Variants in PPM1G observed in about 807,000 individuals in gnomAD.
The protein encoded by PPM1G is protein phosphatase, Mg2+/Mn2+ dependent 1G, also known as protein phosphatase 1G.
A neutral mutation model predicts 59.4 loss-of-function variants in PPM1G; 12 were observed. That is an observed-to-expected ratio of 0.20 (90% confidence interval 0.13 to 0.33). PPM1G has a LOEUF of 0.33. PPM1G is among the 10% of genes least tolerant of loss of function. The pLI is 1.00. For missense variants in PPM1G, 392 were observed against 681.3 expected (o/e 0.58, Z 4.73); for synonymous variants, 245 against 251.9 (o/e 0.97, Z 0.26).
intron 2 of PPM1G, chr2:27,386,552 G>T: frequency 8.2e-6 from 2 of 243,574 alleles, no homozygotes; most frequent in East Asian, 8.9e-5. Flanking sequence ...AGCTCAACTG[G>T]GTACACTTTT....
rs751024396 is a variant in PPM1G, at chr2:27,383,000, ATT to A, written c.1201+364_1201+365del. ...ACTACCATGCCCAGCTAATTTTTGTATTTTTTTTTTTTTTTAGTAGAGATGGG... is the reference window on the plus strand; with the variant it reads ...ACTACCATGCCCAGCTAATTTTTGTATTTTTTTTTTTTTAGTAGAGATGGG... On this transcript the variant is annotated intron_variant, in intron 7 of 9. Transcript: ENST00000344034. This position sits in a 1 kb window ranked among gnomAD's most constrained non-coding sequence, Gnocchi z 4.2. 8.4e-5 allele frequency among the ~76,000 whole-genome samples: 11 copies of A among 131,148 alleles called. No individual in the cohort carries two copies. Among genetic ancestry groups the A allele is most frequent in the Non-Finnish European group, 5.0e-5 (3 of 60,110 alleles). 86.0% of individuals were successfully genotyped at this position (131,148 alleles called of 152,430 possible). A position where few individuals can be genotyped will look rare whatever the true frequency, so the allele number is the denominator to read the frequency against.
At position 27,381,272 on chromosome 2, in the gene PPM1G, G is replaced by A. The variant is rs1405642037; in HGVS notation, c.*327C>T. 4.9e-6 allele frequency: 2 copies of A among 412,262 alleles called. No individual in the cohort carries two copies. Among genetic ancestry groups the A allele is most frequent in the East Asian group, 4.8e-5 (1 of 20,816 alleles). 25.5% of individuals were successfully genotyped at this position (412,262 alleles called of 1,614,324 possible). A position where few individuals can be genotyped will look rare whatever the true frequency, so the allele number is the denominator to read the frequency against. On this transcript the variant is annotated 3_prime_UTR_variant, in exon 10 of 10. Transcript: ENST00000344034. ...CAGAGAGCGGGTGCAAGCGGCCGAGGGCCATGGAGCCGCCAATAAAAAAGA... is the reference window on the plus strand; with the variant it reads ...CAGAGAGCGGGTGCAAGCGGCCGAGAGCCATGGAGCCGCCAATAAAAAAGA...
rs759697236 is a variant in PPM1G, at chr2:27,385,634, A to C, written c.409+113T>G. The stretch of plus-strand genomic sequence containing the variant: ...GGAGAACATCATAGGTTTCTTTAAC[A>C]TAAGGACTCCCCAGGTCCCTAGAAA... On this transcript the variant is annotated intron_variant, in intron 4 of 9. Coordinates refer to ENST00000344034, the MANE Select transcript of PPM1G (RefSeq NM_177983.3). The surrounding 1 kb of genome is among the most constrained non-coding windows in gnomAD (Gnocchi z 4.1). The C allele has an allele frequency of 4.1e-5, 57 of 1,374,228 alleles. No individual in the cohort carries two copies. The highest frequency in any genetic ancestry group is 5.4e-5 in the Non-Finnish European group (55 of 1,019,692). 85.1% of individuals were successfully genotyped at this position (1,374,228 alleles called of 1,614,324 possible).
intron 1 of PPM1G, among the ~76,000 whole-genome samples, chr2:27,401,116 C>A (rs1158395149): frequency 6.6e-6 from 1 of 152,154 alleles, no homozygotes; most frequent in Non-Finnish European, 1.5e-5. Context: ...TAAAATAAAA[C>A]CTGCAAGGCA....
intron 1 of PPM1G, among the ~76,000 whole-genome samples, chr2:27,393,631 C>G (rs778287405): frequency 6.6e-6 from 1 of 152,204 alleles, no homozygotes; most frequent in Non-Finnish European, 1.5e-5. Flanking sequence ...TGTCGCCAGG[C>G]TGGAGTGCAG....
intron 1 of PPM1G, among the ~76,000 whole-genome samples, chr2:27,402,586 C>T (rs553387475): frequency 1.4e-4 from 21 of 152,120 alleles, no homozygotes; most frequent in African/African-American, 5.1e-4. Context: ...GTGGGTGGAT[C>T]ACGAGGTCAG....
chr2:27,390,643 GT>G (rs748549956), intron 1 of PPM1G, among the ~76,000 whole-genome samples: 10 of 149,714 alleles, frequency 6.7e-5, no homozygotes, highest in South Asian at 2.1e-4. Context: ...AACCATGTCA[GT>G]TTTTTTTTTA....
chr2:27,392,714 C>T, intron 1 of PPM1G: 1 of 911,442 alleles, frequency 1.1e-6, no homozygotes, highest in Non-Finnish European at 1.8e-6. Context: ...TAAAGGAAAC[C>T]CCAACATACA....
intron 1 of PPM1G, among the ~76,000 whole-genome samples, chr2:27,392,286 G>GTTTTTTTTGTTTTTTTTTT (rs1683924865): frequency 1.4e-5 from 1 of 70,450 alleles, no homozygotes; most frequent in Non-Finnish European, 2.7e-5. Flanking sequence ...GGTTTGTTTT[G>GTTTTTTTTGTTTTTTTTTT]TTTTTTTTTT....
rs1683714038 is a variant in PPM1G at position 27,384,436 on chromosome 2, A to T, written c.825+237T>A. On this transcript the variant is annotated intron_variant, in intron 5 of 9. Coordinates refer to ENST00000344034, the MANE Select transcript of PPM1G (RefSeq NM_177983.3). The surrounding 1 kb of genome is among the most constrained non-coding windows in gnomAD (Gnocchi z 4.8). ...TCCTTGTTCTCTCTCTAGGAGACAG[A>T]CTCTGAAAAGCCAGAACTAGATCTG... Among the ~76,000 whole-genome samples, 1 of 152,204 alleles carries T rather than the reference A, an allele frequency of 6.6e-6. No individual in the cohort carries two copies. The highest frequency in any genetic ancestry group is 2.1e-4 in the South Asian group (1 of 4,832).
intron 1 of PPM1G, among the ~76,000 whole-genome samples, chr2:27,408,755 T>C (rs1411431300): frequency 6.6e-6 from 1 of 152,048 alleles, no homozygotes; most frequent in Non-Finnish European, 1.5e-5. Flanking sequence ...GGAGGTCGGG[T>C]CCAGCCTCTG....
chr2:27,403,940 A>G (rs540478614), intron 1 of PPM1G, among the ~76,000 whole-genome samples: 1 of 152,268 alleles, frequency 6.6e-6, no homozygotes, highest in South Asian at 2.1e-4. Context: ...GCTTTAAGCT[A>G]TTGGCTATTG....
intron 1 of PPM1G, among the ~76,000 whole-genome samples, chr2:27,397,657 G>T (rs1290682597): frequency 3.3e-5 from 5 of 152,218 alleles, no homozygotes; most frequent in Middle Eastern, 3.4e-3. Flanking sequence ...ATGATAAAAA[G>T]ACTCAATGCC....
At chr2:27,394,547 G>A (rs1432623393) in intron 1 of PPM1G, among the ~76,000 whole-genome samples, 1 of 151,602 alleles carries the variant, frequency 6.6e-6, no homozygotes, top group Non-Finnish European at 1.5e-5. Flanking sequence ...TGGCCAACAT[G>A]GTGAAACCCC....
chr2:27,402,849 TAAATA>T (rs1231363270), intron 1 of PPM1G, among the ~76,000 whole-genome samples: 10 of 104,752 alleles, frequency 9.5e-5, no homozygotes, highest in Middle Eastern at 4.7e-3. Flanking sequence ...AATAAATAAA[TAAATA>T]AAATAAACAT....
chr2:27,396,819 CAAA>C (rs771980529), intron 1 of PPM1G, among the ~76,000 whole-genome samples: 7 of 125,374 alleles, frequency 5.6e-5, no homozygotes, highest in Admixed American at 1.6e-4. Context: ...CCGTCTCCAA[CAAA>C]AAAAAAAAAA....
chr2:27,384,071 C>T lies in PPM1G; in HGVS notation c.847G>A (p.Gly283Ser). The T allele has an allele frequency of 6.2e-7, 1 of 1,614,012 alleles. No individual in the cohort carries two copies. The highest frequency in any genetic ancestry group is 1.3e-5 in the African/African-American group (1 of 75,048). The stretch of plus-strand genomic sequence containing the variant: ...TTCTCTGCCTCCTCACTGCTGTAGC[C>T]ATCCTCTTCCTCGCTGCATTCCTGC... Reference protein sequence around the residue: ...DSEECSEEEDGYSSEEAENEE... With the variant: ...DSEECSEEEDSYSSEEAENEE... Residue 283 changes from glycine to serine, a missense_variant, in exon 6 of 10, where the codon GGC (glycine) becomes AGC (serine). Gly to Ser is a moderately conservative substitution (Grantham distance 56). Coordinates refer to ENST00000344034, the MANE Select transcript of PPM1G (RefSeq NM_177983.3). This position sits in a 1 kb window ranked among gnomAD's most constrained non-coding sequence, Gnocchi z 4.8.
rs551526846 is a variant in PPM1G at position 27,385,506 on chromosome 2, C to T, written c.409+241G>A. 3.4e-5 allele frequency: 17 copies of T among 500,846 alleles called. No homozygotes were observed. In the South Asian group the frequency reaches 6.0e-4, roughly 18 times the overall value. The allele number at this position is 500,846 out of a possible 1,614,324, so 31.0% of individuals were successfully genotyped here. A position where few individuals can be genotyped will look rare whatever the true frequency, so the allele number is the denominator to read the frequency against. On this transcript the variant is annotated intron_variant, in intron 4 of 9. Transcript: ENST00000344034. This position sits in a 1 kb window ranked among gnomAD's most constrained non-coding sequence, Gnocchi z 4.1. ...AAATACTAGCAGGAACCAGGAAGAC[C>T]CCATCACAATGACAAAAGATAATGT... is the stretch of plus-strand genomic sequence containing the variant.
At chr2:27,395,067 T>A (rs1684012753) in intron 1 of PPM1G, among the ~76,000 whole-genome samples, 1 of 151,622 alleles carries the variant, frequency 6.6e-6, no homozygotes, top group Non-Finnish European at 1.5e-5. Context: ...CCGTTTCTAC[T>A]AAAAATACAA....
Sources: allele counts gnomAD v4.1 joint callset (sites outside exome capture counted in the v4.1 genomes callset), GRCh38; gene constraint gnomAD v4.1.1; non-coding constraint Gnocchi (gnomAD v3.1); transcripts MANE v1.5; gene names NCBI Gene and HGNC (gene_info 2026-07-23, HGNC 2026-07-21).